TBC1D5: variants seen among roughly 807,000 people sequenced by gnomAD.
TBC1D5 encodes the protein TBC1 domain family, member 5.
A neutral mutation model predicts 100.3 loss-of-function variants in TBC1D5; 75 were observed. The ratio of observed to expected loss-of-function variants is 0.75; its 90% CI spans 0.62 to 0.91. The LOEUF (loss-of-function observed/expected upper bound fraction) is 0.91, where lower values mean the gene tolerates loss of function less well. Ranked by LOEUF, TBC1D5 falls within the 40% of genes least tolerant of loss-of-function variation. TBC1D5 has a pLI of 0.00. For missense variants in TBC1D5, 910 were observed against 942.4 expected, an observed-to-expected ratio of 0.97 and a Z score of 0.45; for synonymous variants, 323 against 325.6, an observed-to-expected ratio of 0.99 and a Z score of 0.09.
At chr3:17,609,644 T>G (rs2061544150) in intron 2 of TBC1D5, among the ~76,000 whole-genome samples, 1 of 152,198 alleles carries the variant, frequency 6.6e-6, no homozygotes, top group African/African-American at 2.4e-5. Flanking sequence ...TCAAATTTCA[T>G]GCCTTCAACT....
chr3:17,606,163 C>T (rs145485069), intron 2 of TBC1D5, among the ~76,000 whole-genome samples: 2 of 152,230 alleles, frequency 1.3e-5, no homozygotes, highest in Non-Finnish European at 2.9e-5. Context: ...TTTAGGGCTG[C>T]GTACAGTGGC....
At chr3:17,167,645 G>A (rs1250927815) in intron 20 of TBC1D5, 104 bp downstream of exon 21, 1 of 992,336 alleles carries the variant, frequency 1.0e-6, no homozygotes, top group Non-Finnish European at 1.6e-6. Context: ...AGGAAATGAG[G>A]GTTAGGGGGA....
chr3:17,573,172 G>A (rs2096637812), intron 2 of TBC1D5, among the ~76,000 whole-genome samples: 1 of 151,888 alleles, frequency 6.6e-6, no homozygotes, highest in African/African-American at 2.4e-5. Context: ...TCTCTTGTAG[G>A]GATGGCATTA....
At chr3:17,672,949 G>C (rs2068119023) in intron 1 of TBC1D5, among the ~76,000 whole-genome samples, 1 of 152,064 alleles carries the variant, frequency 6.6e-6, no homozygotes, top group Non-Finnish European at 1.5e-5. Context: ...TACAAATTGT[G>C]GTTTTGATGT....
Position 17,389,846 on chromosome 3 carries a change from C to A in TBC1D5, c.510-5831G>T, listed in dbSNP as rs772377104. Among the ~76,000 whole-genome samples, 148 of 152,224 alleles carry A rather than the reference C, an allele frequency of 9.7e-4. 3 individuals carry two copies. The highest frequency in any genetic ancestry group is 1.7e-3 in the Non-Finnish European group (116 of 67,990). ...ATCCCACTTTCTGTGATGCTACCAA[C>A]TGTTAATGATCACTGCCTAAATCTA... On this transcript the variant is annotated intron_variant, in intron 8 of 21. Coordinates refer to ENST00000253692, the Ensembl canonical transcript of TBC1D5.
intron 4 of TBC1D5, among the ~76,000 whole-genome samples, chr3:17,413,951 T>G (rs575137461): frequency 6.6e-6 from 1 of 152,180 alleles, no homozygotes; most frequent in African/African-American, 2.4e-5. Context: ...ATGAAATTGC[T>G]GAGTGGTTAA....
intron 1 of TBC1D5, among the ~76,000 whole-genome samples, chr3:17,731,650 C>T (rs957696552): frequency 1.3e-5 from 2 of 151,922 alleles, no homozygotes; most frequent in African/African-American, 2.4e-5. Context: ...GAAGACCTTA[C>T]AGAAACAAAG....
At chr3:17,505,141 G>A (rs1454000547) in intron 3 of TBC1D5, among the ~76,000 whole-genome samples, 4 of 152,098 alleles carry the variant, frequency 2.6e-5, no homozygotes, top group East Asian at 3.9e-4. Context: ...AGAAAGGTTA[G>A]GCAATTATTT....
chr3:17,655,742 G>T (rs1257665752), intron 1 of TBC1D5, among the ~76,000 whole-genome samples: 1 of 151,972 alleles, frequency 6.6e-6, no homozygotes, highest in Non-Finnish European at 1.5e-5. Context: ...AAAAAAATCC[G>T]AATTCCAAAA....
intron 3 of TBC1D5, among the ~76,000 whole-genome samples, chr3:17,504,146 A>G (rs1450362084): frequency 1.1e-3 from 1 of 906 alleles, no homozygotes; most frequent in African/African-American, 5.7e-3. Flanking sequence ...AGATGGAGGA[A>G]AGAGGCATTA....
chr3:17,734,856 T>G (rs2076837599), intron 1 of TBC1D5, among the ~76,000 whole-genome samples: 1 of 151,790 alleles, frequency 6.6e-6, no homozygotes, highest in Non-Finnish European at 1.5e-5. Context: ...GAGGCCGATG[T>G]GGGAGGATAG....
At chr3:17,163,127 A>G (rs890119135) in intron 21 of TBC1D5, among the ~76,000 whole-genome samples, 4 of 152,238 alleles carry the variant, frequency 2.6e-5, no homozygotes, top group Non-Finnish European at 5.9e-5. Context: ...CTGACTAAAT[A>G]AAAGTAGTTT....
chr3:17,652,272 C>A (rs1166059596), intron 1 of TBC1D5, among the ~76,000 whole-genome samples: 1 of 151,920 alleles, frequency 6.6e-6, no homozygotes, highest in Non-Finnish European at 1.5e-5. Flanking sequence ...CTTTCTCTAC[C>A]CTACTATATA....
At chr3:17,552,170 AAGGACC>A (rs1156796106) in intron 2 of TBC1D5, among the ~76,000 whole-genome samples, 4 of 151,992 alleles carry the variant, frequency 2.6e-5, no homozygotes, top group Non-Finnish European at 4.4e-5. Flanking sequence ...TGATTAACAC[AAGGACC>A]TATGATCTTA....
At chr3:17,336,465 G>A (rs969035314) in intron 13 of TBC1D5, among the ~76,000 whole-genome samples, 6 of 152,016 alleles carry the variant, frequency 3.9e-5, no homozygotes, top group Non-Finnish European at 1.5e-5. Flanking sequence ...CTGGCTTTTG[G>A]TTCTGCAGCT....
chr3:17,522,390 A>T (rs1467458700), intron 2 of TBC1D5, among the ~76,000 whole-genome samples: 1 of 152,162 alleles, frequency 6.6e-6, no homozygotes, highest in Non-Finnish European at 1.5e-5. Flanking sequence ...TTTCATTTGC[A>T]TAAGAGGGAA....
At chr3:17,521,794 A>G (rs1351273270) in intron 2 of TBC1D5, among the ~76,000 whole-genome samples, 2 of 152,210 alleles carry the variant, frequency 1.3e-5, no homozygotes, top group African/African-American at 4.8e-5. Context: ...TACATGATAC[A>G]GCACAAGAAT....
chr3:17,383,872 T>G (rs1228903330), intron 9 of TBC1D5, 41 bp downstream of exon 9: 6 of 1,510,314 alleles, frequency 4.0e-6, no homozygotes, highest in Non-Finnish European at 5.4e-6. Flanking sequence ...GTATAGAAAA[T>G]TTTGAGTCAA....
At chr3:17,678,187 G>C (rs1194707385) in intron 1 of TBC1D5, among the ~76,000 whole-genome samples, 1 of 152,004 alleles carries the variant, frequency 6.6e-6, no homozygotes, top group Non-Finnish European at 1.5e-5. Flanking sequence ...ATAAAAATAA[G>C]ACAATTCCTG....
Sources: allele counts gnomAD v4.1 joint callset (sites outside exome capture counted in the v4.1 genomes callset), GRCh38; gene constraint gnomAD v4.1.1; transcripts MANE v1.5; gene names NCBI Gene and HGNC (gene_info 2026-07-23, HGNC 2026-07-21).